KAZN: variants seen among roughly 807,000 people sequenced by gnomAD.
KAZN encodes the protein kazrin.
In KAZN, 40 loss-of-function variants were observed where a neutral mutation model predicts 87.4. The observed-to-expected ratio is 0.46, with a 90% confidence interval of 0.36 to 0.60. The LOEUF (loss-of-function observed/expected upper bound fraction) is 0.60, where lower values mean the gene tolerates loss of function less well. Among genes scored for constraint, KAZN ranks in the 20% least tolerant of loss-of-function variants. The pLI is 0.00. For missense variants in KAZN, 898 were observed against 1,073.9 expected (o/e 0.84, Z 2.29); for synonymous variants, 466 against 458.3 (o/e 1.02, Z -0.22).
At chr1:15,063,080 C>G (rs1008072996) in intron 6 of KAZN, 1 of 164,416 alleles carries the variant, frequency 6.1e-6, no homozygotes, top group African/African-American at 2.4e-5. Context: ...ATAGGGCTAA[C>G]GAGTCCTGCC....
intron 2 of KAZN, among the ~76,000 whole-genome samples, chr1:14,997,134 C>T (rs1401381720): frequency 6.6e-6 from 1 of 152,112 alleles, no homozygotes; most frequent in Admixed American, 6.6e-5. Flanking sequence ...GCCCTGCATC[C>T]CCTCCCCTCC....
At chr1:14,624,343 A>G (rs1022645063) in intron 1 of KAZN, among the ~76,000 whole-genome samples, 2 of 151,958 alleles carry the variant, frequency 1.3e-5, no homozygotes, top group African/African-American at 4.8e-5. Flanking sequence ...AATCGCTTGA[A>G]TCCGGGAGGC....
chr1:14,331,482 T>G (rs1378983515), intron 2 of KAZN, among the ~76,000 whole-genome samples: 1 of 152,214 alleles, frequency 6.6e-6, no homozygotes, highest in Non-Finnish European at 1.5e-5. Context: ...GGATTCTTAC[T>G]AATTTTACTT....
chr1:14,953,349 C>G (rs1242439894), intron 1 of KAZN, among the ~76,000 whole-genome samples: 2 of 152,244 alleles, frequency 1.3e-5, no homozygotes, highest in Non-Finnish European at 2.9e-5. Context: ...TTGTGTCACC[C>G]ACAGACCTTG....
intron 1 of KAZN, among the ~76,000 whole-genome samples, chr1:14,109,024 GGCCGAGCTC>G (rs1443608113): frequency 6.6e-6 from 1 of 152,202 alleles, no homozygotes; most frequent in Non-Finnish European, 1.5e-5. Context: ...ACTGCAATGT[GGCCGAGCTC>G]GCATCTGTGA....
intron 1 of KAZN, among the ~76,000 whole-genome samples, chr1:14,713,352 G>A (rs961222779): frequency 6.6e-6 from 1 of 152,146 alleles, no homozygotes; most frequent in Non-Finnish European, 1.5e-5. Flanking sequence ...CAATGCTCCT[G>A]GTAGACACAG....
intron 1 of KAZN, among the ~76,000 whole-genome samples, chr1:14,661,356 C>T (rs1055217502): frequency 6.6e-6 from 1 of 152,098 alleles, no homozygotes; most frequent in African/African-American, 2.4e-5. Flanking sequence ...CCCCATGGAC[C>T]TGTGGCCAGT....
chr1:15,001,798 C>T lies in KAZN; in HGVS notation c.419-32951C>T, dbSNP rs562086924. On this transcript the variant is annotated intron_variant, in intron 2 of 14. Transcript: ENST00000376030. ...GGTTCGTGAGGATCACTGTCTGTTC[C>T]ACGGGTGGGTGACTTAAGGTGAGAG... Among the ~76,000 whole-genome samples, 227 of 151,526 alleles carry T rather than the reference C, an allele frequency of 1.5e-3. 6 individuals carry two copies. The South Asian group carries it at 0.045, about 30-fold the overall frequency.
intron 1 of KAZN, among the ~76,000 whole-genome samples, chr1:14,883,297 A>C: frequency 2.1e-5 from 1 of 48,290 alleles, no homozygotes; most frequent in South Asian, 1.1e-3. Flanking sequence ...CTCCATCTCA[A>C]AAGAAAGAAA....
chr1:14,824,803 TTC>T (rs2100843467), intron 1 of KAZN, among the ~76,000 whole-genome samples: 1 of 152,328 alleles, frequency 6.6e-6, no homozygotes, highest in South Asian at 2.1e-4. Flanking sequence ...TTCTATCTGG[TTC>T]TCTGTGTTGA....
At chr1:14,422,454 A>G (rs1285497951) in intron 2 of KAZN, among the ~76,000 whole-genome samples, 1 of 152,216 alleles carries the variant, frequency 6.6e-6, no homozygotes, top group Non-Finnish European at 1.5e-5. Flanking sequence ...AGACACTTCC[A>G]GGGTCAACCT....
At chr1:14,352,907 A>C (rs1158755203) in intron 2 of KAZN, among the ~76,000 whole-genome samples, 3 of 152,270 alleles carry the variant, frequency 2.0e-5, no homozygotes, top group Admixed American at 1.3e-4. Flanking sequence ...TTAACCAATT[A>C]AAAGAAAAAT....
chr1:14,532,521 A>G (rs1672263091), intron 2 of KAZN, among the ~76,000 whole-genome samples: 1 of 151,330 alleles, frequency 6.6e-6, no homozygotes, highest in South Asian at 2.1e-4. Flanking sequence ...CACAATGTGC[A>G]GGTTTGTTAC....
chr1:13,969,413 A>G (rs1361727372), intron 1 of KAZN, among the ~76,000 whole-genome samples: 1 of 152,210 alleles, frequency 6.6e-6, no homozygotes, highest in South Asian at 2.1e-4. Context: ...CCAAATGAAG[A>G]TGGAGGCAGA....
chr1:14,290,935 TCCCTCA>T (rs1163310518), intron 2 of KAZN, among the ~76,000 whole-genome samples: 3 of 152,192 alleles, frequency 2.0e-5, no homozygotes, highest in Non-Finnish European at 2.9e-5. Flanking sequence ...AACAGTCAGG[TCCCTCA>T]GCTGCAGGTC....
At chr1:14,197,478 A>C (rs1478950689) in intron 2 of KAZN, among the ~76,000 whole-genome samples, 1 of 151,648 alleles carries the variant, frequency 6.6e-6, no homozygotes, top group Non-Finnish European at 1.5e-5. Context: ...ACCTGAGGTC[A>C]GGAGTTCTAG....
At chr1:14,660,337 C>G (rs747203548) in intron 1 of KAZN, among the ~76,000 whole-genome samples, 2 of 152,172 alleles carry the variant, frequency 1.3e-5, no homozygotes, top group African/African-American at 4.8e-5. Context: ...TGTATTTTCT[C>G]ATTTCTATCC....
intron 2 of KAZN, among the ~76,000 whole-genome samples, chr1:14,347,177 A>G (rs1340030899): frequency 6.6e-6 from 1 of 152,190 alleles, no homozygotes; most frequent in Non-Finnish European, 1.5e-5. Context: ...GTGAAGGGCT[A>G]TTATTCAAGG....
rs112950404 is a variant in KAZN, at chr1:14,176,272, C to T, written c.92-4163C>T. Among the ~76,000 whole-genome samples the T allele has an allele frequency of 3.1e-3, 475 of 152,274 alleles. 5 individuals are homozygous for T. The highest frequency in any genetic ancestry group is 0.011 in the African/African-American group (457 of 41,532). ...GTATAGCTTGTCCATGAATCTCTCT[C>T]TGGCCGTTTCTGGACTAGGTTGAGG... On this transcript the variant is annotated intron_variant, in intron 1 of 16. Transcript: ENST00000636203.
Sources: allele counts gnomAD v4.1 joint callset (sites outside exome capture counted in the v4.1 genomes callset), GRCh38; gene constraint gnomAD v4.1.1; transcripts MANE v1.5; gene names NCBI Gene and HGNC (gene_info 2026-07-23, HGNC 2026-07-21).